The following SPECC1 variants were observed in gnomAD, a reference collection of about 807,000 sequenced individuals.
SPECC1 encodes the protein cytospin-B.
SPECC1 carries 62 observed loss-of-function variants against 104.1 expected under a neutral mutation model. The observed-to-expected ratio is 0.60, with a 90% CI of 0.49 to 0.74. The LOEUF (loss-of-function observed/expected upper bound fraction) is 0.74. Ranked by LOEUF, SPECC1 falls within the 30% of genes least tolerant of loss-of-function variation. The pLI, the probability that SPECC1 is intolerant of heterozygous loss-of-function variation, is 0.00. For synonymous variants in SPECC1, 513 were observed against 501.6 expected (o/e 1.02, Z -0.30); for missense variants, 1,306 against 1,310.5 (o/e 1.00, Z 0.05).
intron 4 of SPECC1, among the ~76,000 whole-genome samples, chr17:20,211,141 G>T (rs897779401): frequency 2.6e-5 from 4 of 152,338 alleles, no homozygotes; most frequent in African/African-American, 9.6e-5. Context: ...ACTCTTTGGG[G>T]CCCTGCAGGG....
intron 12 of SPECC1, among the ~76,000 whole-genome samples, chr17:20,283,971 ACTTT>A (rs761294100): frequency 6.6e-6 from 1 of 152,008 alleles, no homozygotes; most frequent in Non-Finnish European, 1.5e-5. Context: ...TCATATAGAA[ACTTT>A]CTTTAAGTCA....
intron 1 of SPECC1, among the ~76,000 whole-genome samples, chr17:20,064,154 G>T (rs1259567391): frequency 6.6e-6 from 1 of 152,184 alleles, no homozygotes; most frequent in African/African-American, 2.4e-5. Context: ...CAGGAGTCGG[G>T]GCTTCAGCTT....
At chr17:20,026,958 TC>T (rs201154063) in intron 1 of SPECC1, among the ~76,000 whole-genome samples, 12 of 133,338 alleles carry the variant, frequency 9.0e-5, no homozygotes, top group African/African-American at 3.9e-4. Flanking sequence ...TTATATTTTG[TC>T]TTTTTGATAG....
intron 1 of SPECC1, among the ~76,000 whole-genome samples, chr17:20,095,357 A>G (rs1424508455): frequency 6.6e-6 from 1 of 152,266 alleles, no homozygotes; most frequent in African/African-American, 2.4e-5. Flanking sequence ...AACACTGTGG[A>G]AAACAAATTA....
intron 7 of SPECC1, among the ~76,000 whole-genome samples, chr17:20,235,094 G>C (rs977503711): frequency 3.9e-5 from 6 of 152,212 alleles, no homozygotes; most frequent in Admixed American, 3.9e-4. Context: ...GGAAGAGGGG[G>C]TCGTTTTTGA....
intron 3 of SPECC1, among the ~76,000 whole-genome samples, chr17:20,169,330 G>A (rs969408778): frequency 3.3e-5 from 5 of 152,184 alleles, no homozygotes; most frequent in African/African-American, 1.2e-4. Context: ...GATGTGGTAG[G>A]TGTCCTCCAT....
At chr17:20,156,050 T>C in intron 3 of SPECC1, 1 of 1,282,590 alleles carries the variant, frequency 7.8e-7, no homozygotes, top group Non-Finnish European at 9.9e-7. Flanking sequence ...CGGCAGCTGC[T>C]GGGAACTGGA....
intron 1 of SPECC1, among the ~76,000 whole-genome samples, chr17:20,076,835 G>GA (rs1166401287): frequency 3.3e-5 from 5 of 150,908 alleles, no homozygotes; most frequent in Admixed American, 1.3e-4. Context: ...GTATCATGGG[G>GA]AAAAAAGAGT....
chr17:20,236,955 G>A, intron 7 of SPECC1: 1 of 1,610,446 alleles, frequency 6.2e-7, no homozygotes, highest in Non-Finnish European at 8.5e-7. Context: ...TAGATGAAAG[G>A]GGGAATGTGT....
At chr17:20,238,631 C>T (rs1406819364) in intron 7 of SPECC1, 1 of 1,041,388 alleles carries the variant, frequency 9.6e-7, no homozygotes, top group Non-Finnish European at 1.2e-6. Flanking sequence ...GAGGTCTTCT[C>T]TGTAAAATTT....
At chr17:20,071,720 G>T (rs911180035) in intron 1 of SPECC1, among the ~76,000 whole-genome samples, 3 of 152,014 alleles carry the variant, frequency 2.0e-5, no homozygotes, top group Non-Finnish European at 4.4e-5. Flanking sequence ...TTTTTAACGT[G>T]ATAACTTATT....
intron 5 of SPECC1, among the ~76,000 whole-genome samples, chr17:20,229,063 A>G (rs573411632): frequency 6.6e-6 from 1 of 152,346 alleles, no homozygotes; most frequent in South Asian, 2.1e-4. Context: ...AGACATGCAC[A>G]GAGAAGTGAA....
At chr17:20,015,400 C>T (rs2044080645) in intron 1 of SPECC1, among the ~76,000 whole-genome samples, 1 of 151,544 alleles carries the variant, frequency 6.6e-6, no homozygotes, top group Non-Finnish European at 1.5e-5. Context: ...GGCAATTCCC[C>T]TGCCATACCA....
intron 3 of SPECC1, among the ~76,000 whole-genome samples, chr17:20,195,508 C>G (rs2035971778): frequency 6.6e-6 from 1 of 151,794 alleles, no homozygotes; most frequent in East Asian, 1.9e-4. Flanking sequence ...ATTTTTATAT[C>G]AAATAAGCCA....
intron 1 of SPECC1, among the ~76,000 whole-genome samples, chr17:20,055,950 G>A (rs1211340661): frequency 6.6e-6 from 1 of 152,244 alleles, no homozygotes; most frequent in Non-Finnish European, 1.5e-5. Context: ...CCCTCCTGGT[G>A]CAGGGGCCTG....
chr17:20,240,092 T>TTG (rs59126801), intron 7 of SPECC1, among the ~76,000 whole-genome samples: 3 of 126,706 alleles, frequency 2.4e-5, no homozygotes, highest in Non-Finnish European at 4.8e-5. Flanking sequence ...TTTTTTTTTT[T>TTG]GGTAGACACG....
At chr17:20,117,166 C>A (rs2048802451) in intron 3 of SPECC1, among the ~76,000 whole-genome samples, 1 of 151,858 alleles carries the variant, frequency 6.6e-6, no homozygotes. Context: ...ATAATTCACT[C>A]AAAAATGTGA....
At chr17:20,265,023 C>T (rs1242285159) in intron 12 of SPECC1, among the ~76,000 whole-genome samples, 2 of 152,162 alleles carry the variant, frequency 1.3e-5, no homozygotes, top group African/African-American at 4.8e-5. Context: ...TTTATCCAAC[C>T]CACTGTTGGT....
At chr17:20,276,906 T>C (rs2040592997) in intron 12 of SPECC1, among the ~76,000 whole-genome samples, 1 of 152,148 alleles carries the variant, frequency 6.6e-6, no homozygotes, top group African/African-American at 2.4e-5. Context: ...GGCTGCTTTC[T>C]GGGGTAGAAT....
Sources: allele counts gnomAD v4.1 joint callset (sites outside exome capture counted in the v4.1 genomes callset), GRCh38; gene constraint gnomAD v4.1.1; transcripts MANE v1.5; gene names NCBI Gene and HGNC (gene_info 2026-07-23, HGNC 2026-07-21).